The following PDE4B variants were observed in gnomAD, a reference collection of about 807,000 sequenced individuals.
PDE4B encodes 3',5'-cyclic-AMP phosphodiesterase 4B.
PDE4B carries 20 observed loss-of-function variants against 82.2 expected under a neutral mutation model. That is an observed-to-expected ratio of 0.24 (90% CI 0.17 to 0.35). PDE4B has a LOEUF of 0.35. Among genes scored for constraint, PDE4B ranks in the 10% least tolerant of loss-of-function variants. The probability of loss-of-function intolerance (pLI) is 1.00; values close to 1 mark genes in which losing one functional copy is unlikely to be tolerated. For missense variants in PDE4B, 655 were observed against 907.2 expected (o/e 0.72, Z 3.57); for synonymous variants, 320 against 318.9 (o/e 1.00, Z -0.04).
intron 8 of PDE4B, among the ~76,000 whole-genome samples, chr1:66,336,344 T>G (rs927749235): frequency 2.6e-5 from 4 of 151,802 alleles, no homozygotes. Context: ...AATGGGGAGG[T>G]GTTCCTTCCC....
At chr1:65,914,696 A>G (rs1442874694) in intron 2 of PDE4B, among the ~76,000 whole-genome samples, 1 of 151,900 alleles carries the variant, frequency 6.6e-6, no homozygotes, top group Non-Finnish European at 1.5e-5. Flanking sequence ...AAAACTGAGC[A>G]ATGCCTTCCA....
chr1:66,233,788 G>GT (rs999670815), intron 3 of PDE4B, among the ~76,000 whole-genome samples: 1 of 151,908 alleles, frequency 6.6e-6, no homozygotes, highest in African/African-American at 2.4e-5. Context: ...ATGTTGGTTT[G>GT]TTTTTCAGTC....
intron 3 of PDE4B, among the ~76,000 whole-genome samples, chr1:66,157,196 C>A (rs1238580526): frequency 2.0e-5 from 3 of 152,196 alleles, no homozygotes; most frequent in African/African-American, 7.2e-5. Flanking sequence ...CCTAAGTCCT[C>A]TCTTTTCTCA....
At position 65,870,769 on chromosome 1, in the gene PDE4B, C is replaced by G. The variant is rs887067642; in HGVS notation, c.-70-42476C>G. Among the ~76,000 whole-genome samples the G allele has an allele frequency of 3.3e-5, 5 of 152,124 alleles. No individual in the cohort carries two copies. In the South Asian group the frequency reaches 1.0e-3, roughly 32 times the overall value. ...TCTTATTATTACTATATGGGTGTGA[C>G]CAAGCCTGTTCTTGTTTAATTTAGA... On this transcript the variant is annotated intron_variant, in intron 1 of 16. Coordinates refer to ENST00000341517, the MANE Select transcript of PDE4B (RefSeq NM_002600.4).
chr1:65,992,897 C>A (rs758704723), intron 3 of PDE4B: 1 of 1,612,586 alleles, frequency 6.2e-7, no homozygotes, highest in African/African-American at 1.3e-5. Context: ...GCTAGCACTC[C>A]TTACAAGACA....
chr1:65,906,452 T>C (rs547644701), intron 1 of PDE4B, among the ~76,000 whole-genome samples: 2 of 152,288 alleles, frequency 1.3e-5, no homozygotes, highest in Non-Finnish European at 1.5e-5. Context: ...AAAAAATGGC[T>C]GAAATGAAAG....
At chr1:65,905,178 A>T (rs1226474965) in intron 1 of PDE4B, among the ~76,000 whole-genome samples, 1 of 152,178 alleles carries the variant, frequency 6.6e-6, no homozygotes, top group Non-Finnish European at 1.5e-5. Flanking sequence ...ATACAAACAA[A>T]TATGTAATTG....
At chr1:66,317,909 A>G (rs1471648280) in intron 7 of PDE4B, among the ~76,000 whole-genome samples, 2 of 152,214 alleles carry the variant, frequency 1.3e-5, no homozygotes, top group Admixed American at 1.3e-4. Context: ...AAAGAATAAA[A>G]TAAAATAAAA....
chr1:66,340,915 C>T (rs765816424), intron 8 of PDE4B, among the ~76,000 whole-genome samples: 2 of 152,070 alleles, frequency 1.3e-5, no homozygotes, highest in Non-Finnish European at 2.9e-5. Context: ...AGACAGGGCA[C>T]AGTGAAGTAT....
At chr1:65,841,990 A>G (rs770166438) in intron 1 of PDE4B, among the ~76,000 whole-genome samples, 1 of 152,204 alleles carries the variant, frequency 6.6e-6, no homozygotes, top group Non-Finnish European at 1.5e-5. Context: ...CAAAGAATCC[A>G]TTATCTAATT....
At chr1:65,863,801 T>A (rs1053663407) in intron 1 of PDE4B, among the ~76,000 whole-genome samples, 1 of 152,210 alleles carries the variant, frequency 6.6e-6, no homozygotes, top group Non-Finnish European at 1.5e-5. Context: ...TTAAAGTCTG[T>A]TTTATCAGAG....
intron 3 of PDE4B, among the ~76,000 whole-genome samples, chr1:66,090,109 C>T (rs12406476): frequency 0.55 from 83,893 of 151,700 alleles, 23,850 homozygotes; most frequent in South Asian, 0.67. Flanking sequence ...ATGGAAGAGA[C>T]AGGAATTTCA....
intron 3 of PDE4B, among the ~76,000 whole-genome samples, chr1:66,241,175 C>T (rs192521449): frequency 1.4e-4 from 21 of 152,362 alleles, no homozygotes; most frequent in Admixed American, 1.4e-3. Flanking sequence ...ATTCTTATGG[C>T]ATAACTGTAA....
intron 3 of PDE4B, among the ~76,000 whole-genome samples, chr1:66,170,443 A>G (rs1267435926): frequency 6.6e-6 from 1 of 152,186 alleles, no homozygotes; most frequent in Non-Finnish European, 1.5e-5. Context: ...AGAATAAATT[A>G]TCTGTTTCCT....
chr1:66,090,426 G>A (rs1329651718), intron 3 of PDE4B, among the ~76,000 whole-genome samples: 1 of 151,406 alleles, frequency 6.6e-6, no homozygotes, highest in Admixed American at 6.6e-5. Flanking sequence ...TATTTTTGAG[G>A]GGAACTTTGG....
chr1:66,164,271 C>G (rs989854903), intron 3 of PDE4B, among the ~76,000 whole-genome samples: 1 of 152,024 alleles, frequency 6.6e-6, no homozygotes, highest in Admixed American at 6.6e-5. Flanking sequence ...GGCACAGTGG[C>G]TTACACCTGT....
intron 8 of PDE4B, among the ~76,000 whole-genome samples, chr1:66,348,436 A>C (rs1661571352): frequency 6.6e-6 from 1 of 152,172 alleles, no homozygotes; most frequent in African/African-American, 2.4e-5. Context: ...ACAAATTAAA[A>C]GGGAAGGATC....
At chr1:66,026,555 A>G (rs1653443774) in intron 3 of PDE4B, among the ~76,000 whole-genome samples, 1 of 152,220 alleles carries the variant, frequency 6.6e-6, no homozygotes, top group Non-Finnish European at 1.5e-5. Flanking sequence ...TGAGGTAATA[A>G]TAACACTTAA....
intron 3 of PDE4B, among the ~76,000 whole-genome samples, chr1:66,121,768 A>G (rs896690063): frequency 1.3e-5 from 2 of 152,232 alleles, no homozygotes; most frequent in African/African-American, 4.8e-5. Flanking sequence ...CGTATCCTCC[A>G]GCTTTCTAAC....
Sources: gnomAD v4.1 joint callset for allele counts (sites outside exome capture counted in the v4.1 genomes callset) on GRCh38, gnomAD v4.1.1 for gene constraint, MANE v1.5 for transcripts, NCBI Gene and HGNC (gene_info 2026-07-23, HGNC 2026-07-21) for gene names.